The following DTNA variants were observed in gnomAD, a reference collection of about 807,000 sequenced individuals.
The protein encoded by DTNA is dystrophin-related protein 3.
DTNA carries 43 observed loss-of-function variants against 100.7 expected under a neutral mutation model. That is an observed-to-expected ratio of 0.43 (90% CI 0.33 to 0.55). The LOEUF (loss-of-function observed/expected upper bound fraction) is 0.55, where lower values mean the gene tolerates loss of function less well. Among genes scored for constraint, DTNA ranks in the 20% least tolerant of loss-of-function variants. The pLI is 0.04. For synonymous variants in DTNA, 349 were observed against 347.9 expected, an observed-to-expected ratio of 1.00 and a Z score of -0.04; for missense variants, 798 against 953.9, an observed-to-expected ratio of 0.84 and a Z score of 2.15.
At chr18:34,859,332 G>T (rs940027204) in intron 16 of DTNA, among the ~76,000 whole-genome samples, 1 of 152,196 alleles carries the variant, frequency 6.6e-6, no homozygotes, top group African/African-American at 2.4e-5. Flanking sequence ...TTATTGAAAC[G>T]AAAGTACACT....
chr18:34,736,216 C>A (rs1174225036), intron 1 of DTNA, among the ~76,000 whole-genome samples: 1 of 152,160 alleles, frequency 6.6e-6, no homozygotes, highest in Admixed American at 6.5e-5. Context: ...CCACATTAAA[C>A]TCTGAAATGT....
At position 34,860,194 on chromosome 18, in the gene DTNA, G is replaced by A. The variant is rs1023349120; in HGVS notation, c.1646+1796G>A. On this transcript the variant is annotated intron_variant, in intron 16 of 22. Coordinates refer to ENST00000444659, the MANE Select transcript of DTNA (RefSeq NM_001386795.1). ...CCGGAGTAGCTGGGATTACAGGCGC[G>A]TGCCACCACGCCCGGCTAATTTTTT... Among the ~76,000 whole-genome samples the A allele has an allele frequency of 8.8e-4, 130 of 147,730 alleles. 1 individual carries two copies. Among genetic ancestry groups the A allele is most frequent in the Non-Finnish European group, 2.2e-4 (15 of 67,416 alleles).
chr18:34,565,242 A>T (rs1050217526), intron 1 of DTNA, among the ~76,000 whole-genome samples: 3 of 152,340 alleles, frequency 2.0e-5, no homozygotes, highest in Admixed American at 6.5e-5. Context: ...TCCCTATTTC[A>T]TTCTTTCAGC....
intron 1 of DTNA, among the ~76,000 whole-genome samples, chr18:34,720,260 G>C (rs1488868260): frequency 6.6e-6 from 1 of 152,146 alleles, no homozygotes; most frequent in Non-Finnish European, 1.5e-5. Flanking sequence ...GCTGGTAGGG[G>C]TGGGTTGATT....
At chr18:34,658,926 G>A (rs990245766) in intron 1 of DTNA, among the ~76,000 whole-genome samples, 5 of 152,322 alleles carry the variant, frequency 3.3e-5, no homozygotes, top group African/African-American at 1.2e-4. Context: ...CCACGGCTGA[G>A]GCCTAATGAC....
At chr18:34,736,880 G>A (rs1237325335) in intron 1 of DTNA, among the ~76,000 whole-genome samples, 1 of 152,072 alleles carries the variant, frequency 6.6e-6, no homozygotes, top group East Asian at 1.9e-4. Context: ...AAAACCTGGG[G>A]GATAACTTTG....
At chr18:34,523,486 A>G (rs918779207) in intron 1 of DTNA, among the ~76,000 whole-genome samples, 1 of 152,206 alleles carries the variant, frequency 6.6e-6, no homozygotes, top group African/African-American at 2.4e-5. Flanking sequence ...AGATTACCTT[A>G]GATAATTTAT....
intron 1 of DTNA, among the ~76,000 whole-genome samples, chr18:34,537,467 G>C (rs2043827161): frequency 6.6e-6 from 1 of 151,648 alleles, no homozygotes. Flanking sequence ...GGAAATTGTA[G>C]TGCATTAAAA....
chr18:34,827,685 C>A lies in DTNA; in HGVS notation c.1085+9C>A. The A allele has an allele frequency of 6.2e-7, 1 of 1,612,014 alleles. No homozygotes were observed. The highest frequency in any genetic ancestry group is 8.5e-7 in the Non-Finnish European group (1 of 1,178,112). ...CCTTTTATTACCAGGAGGTAAGTTCCAACCCTATTATAAAATAAGCCCTTT... is the reference window on the plus strand; with the variant it reads ...CCTTTTATTACCAGGAGGTAAGTTCAAACCCTATTATAAAATAAGCCCTTT... On this transcript the variant is annotated intron_variant, in intron 10 of 22. Coordinates refer to ENST00000444659, the MANE Select transcript of DTNA (RefSeq NM_001386795.1).
chr18:34,703,250 CT>C (rs2081635373), intron 1 of DTNA, among the ~76,000 whole-genome samples: 1 of 152,116 alleles, frequency 6.6e-6, no homozygotes, highest in Admixed American at 6.5e-5. Context: ...GGCTAATATC[CT>C]TTGAAAATTC....
chr18:34,507,147 C>A (rs528349779), intron 1 of DTNA, among the ~76,000 whole-genome samples: 2 of 152,132 alleles, frequency 1.3e-5, no homozygotes, highest in African/African-American at 2.4e-5. Flanking sequence ...TCAATTCTCT[C>A]TCCCCTCCTG....
intron 1 of DTNA, among the ~76,000 whole-genome samples, chr18:34,586,914 A>C (rs1192216250): frequency 2.6e-5 from 4 of 152,136 alleles, no homozygotes; most frequent in African/African-American, 9.7e-5. Context: ...TGGTTCCACA[A>C]AGGAAAAATA....
chr18:34,870,034 G>A (rs1392737019), intron 17 of DTNA, among the ~76,000 whole-genome samples: 1 of 152,100 alleles, frequency 6.6e-6, no homozygotes. Flanking sequence ...TCAAAAAAAA[G>A]GGGGTAAAAT....
intron 3 of DTNA, among the ~76,000 whole-genome samples, chr18:34,772,471 C>T (rs952722442): frequency 6.6e-5 from 10 of 152,138 alleles, no homozygotes; most frequent in African/African-American, 2.2e-4. Context: ...TATAACTAGT[C>T]GGTCCTGAAT....
chr18:34,758,585 C>T (rs1601549183), intron 2 of DTNA, among the ~76,000 whole-genome samples: 1 of 152,252 alleles, frequency 6.6e-6, no homozygotes, highest in East Asian at 1.9e-4. Context: ...AGGCTTCTAC[C>T]CTCCTGATAA....
chr18:34,797,402 C>A (rs1568556175), intron 4 of DTNA, among the ~76,000 whole-genome samples: 1 of 152,110 alleles, frequency 6.6e-6, no homozygotes, highest in Non-Finnish European at 1.5e-5. Context: ...GCAGCCAGAA[C>A]TTGAGCCAGT....
intron 1 of DTNA, among the ~76,000 whole-genome samples, chr18:34,526,752 T>TGA (rs1224122340): frequency 1.3e-5 from 2 of 152,120 alleles, no homozygotes; most frequent in African/African-American, 4.8e-5. Context: ...GAATGCATGA[T>TGA]TTGTGTTTTT....
At chr18:34,797,934 C>T (rs907446907) in intron 4 of DTNA, among the ~76,000 whole-genome samples, 3 of 152,186 alleles carry the variant, frequency 2.0e-5, no homozygotes, top group African/African-American at 4.8e-5. Context: ...CCATAGCCAA[C>T]ACAAGAATGA....
intron 1 of DTNA, among the ~76,000 whole-genome samples, chr18:34,556,637 T>C (rs1378201834): frequency 1.3e-5 from 2 of 152,114 alleles, no homozygotes; most frequent in African/African-American, 4.8e-5. Context: ...TGAAGCTTAG[T>C]TTGGCTGGAT....
Sources: allele counts gnomAD v4.1 joint callset (sites outside exome capture counted in the v4.1 genomes callset), GRCh38; gene constraint gnomAD v4.1.1; transcripts MANE v1.5; gene names NCBI Gene and HGNC (gene_info 2026-07-23, HGNC 2026-07-21).